NAA60: variants seen among roughly 807,000 people sequenced by gnomAD.
NAA60 encodes N-alpha-acetyltransferase 60.
NAA60 carries 8 observed loss-of-function variants against 26.1 expected under a neutral mutation model. The ratio of observed to expected loss-of-function variants is 0.31; its 90% CI spans 0.18 to 0.55. NAA60 has a LOEUF of 0.55. NAA60 is among the 20% of genes least tolerant of loss of function. The pLI, the probability that NAA60 is intolerant of heterozygous loss-of-function variation, is 0.93. For synonymous variants in NAA60, 131 were observed against 122.5 expected, an observed-to-expected ratio of 1.07 and a Z score of -0.46; for missense variants, 290 against 311.3, an observed-to-expected ratio of 0.93 and a Z score of 0.51.
chr16:3,470,681 C>T (rs765072323), intron 2 of NAA60, among the ~76,000 whole-genome samples: 1 of 152,146 alleles, frequency 6.6e-6, no homozygotes, highest in Non-Finnish European at 1.5e-5. Context: ...TGGGGGGGGC[C>T]GCTGGCCCTG....
intron 2 of NAA60, chr16:3,458,269 A>T (rs557188650): frequency 1.3e-4 from 112 of 854,438 alleles, no homozygotes; most frequent in Non-Finnish European, 1.5e-4. Flanking sequence ...CGCCGGGGTC[A>T]GGGGGGCCAG....
At chr16:3,474,110 T>TG (rs1490330743) in intron 2 of NAA60, among the ~76,000 whole-genome samples, 6 of 150,550 alleles carry the variant, frequency 4.0e-5, no homozygotes, top group African/African-American at 1.2e-4. Context: ...AAGGGCGGGG[T>TG]GGGGGGTGTG....
Position 3,486,628 on chromosome 16 carries a change from A to G in NAA60, c.*1368A>G, listed in dbSNP as rs980116063. On this transcript the variant is annotated 3_prime_UTR_variant, in exon 8 of 8. Coordinates refer to ENST00000407558, the MANE Select transcript of NAA60 (RefSeq NM_001083601.3). ...CTGGCAGGAGGGCCGCGCCATGCTG[A>G]CTGCTTGAACCTCTGCTGACCTGAC... is the stretch of plus-strand genomic sequence containing the variant. The G allele has an allele frequency of 6.6e-6, 1 of 152,196 alleles. No homozygotes were observed. Among genetic ancestry groups the G allele is most frequent in the African/African-American group, 2.4e-5 (1 of 41,402 alleles). The allele number at this position is 152,196 out of a possible 1,614,324, so 9.4% of individuals were successfully genotyped here. A position where few individuals can be genotyped will look rare whatever the true frequency, so the allele number is the denominator to read the frequency against.
intron 2 of NAA60, among the ~76,000 whole-genome samples, chr16:3,466,584 G>A (rs1443638712): frequency 6.6e-6 from 1 of 152,216 alleles, no homozygotes; most frequent in Non-Finnish European, 1.5e-5. Context: ...GGAGTGTGGA[G>A]TTCATGAGTG....
chr16:3,477,460 C>G (rs2036550415), intron 3 of NAA60, among the ~76,000 whole-genome samples: 1 of 152,250 alleles, frequency 6.6e-6, no homozygotes, highest in Non-Finnish European at 1.5e-5. Flanking sequence ...GAAGCGGGAA[C>G]TGTCACAGTC....
At chr16:3,482,466 G>C (rs372382967) in intron 4 of NAA60, 36 bp from the exon 5 acceptor site, 1 of 1,524,850 alleles carries the variant, frequency 6.6e-7, no homozygotes, top group East Asian at 2.4e-5. Context: ...TGCACCAGAC[G>C]TGTGAGCCTG....
chr16:3,460,315 A>C (rs1158932241), intron 2 of NAA60, among the ~76,000 whole-genome samples: 1 of 151,330 alleles, frequency 6.6e-6, no homozygotes, highest in Non-Finnish European at 1.5e-5. Flanking sequence ...TCTTTTTGGA[A>C]GGAATCCACG....
intron 2 of NAA60, among the ~76,000 whole-genome samples, chr16:3,452,082 G>A (rs530010946): frequency 6.0e-5 from 9 of 150,944 alleles, no homozygotes; most frequent in African/African-American, 1.2e-4. Context: ...GTATGGTGGC[G>A]CATGCCTGTA....
intron 1 of NAA60, 185 bp downstream of exon 1, chr16:3,444,022 G>C: frequency 8.4e-7 from 1 of 1,189,798 alleles, no homozygotes; most frequent in South Asian, 2.4e-5. Flanking sequence ...CATCGGTGTA[G>C]GCCAGGTTGC....
At chr16:3,448,417 A>G in intron 1 of NAA60, 54 bp from the exon 2 acceptor site, 1 of 1,432,676 alleles carries the variant, frequency 7.0e-7, no homozygotes, top group South Asian at 1.2e-5. Context: ...TATGAGTTGT[A>G]GAGATGGGAT....
intron 4 of NAA60, 53 bp from the exon 5 acceptor site, chr16:3,482,449 T>G: frequency 2.1e-6 from 3 of 1,429,036 alleles, no homozygotes; most frequent in Non-Finnish European, 2.9e-6. Flanking sequence ...GGCTGTGCAG[T>G]GAGCCGTGCA....
intron 4 of NAA60, among the ~76,000 whole-genome samples, chr16:3,479,924 G>A (rs2036721885): frequency 1.3e-5 from 2 of 152,150 alleles, no homozygotes; most frequent in South Asian, 2.1e-4. Flanking sequence ...TTGTGTTGGC[G>A]GCAGTGTCAT....
At position 3,485,451 on chromosome 16, in the gene NAA60, C is replaced by G; in HGVS notation, c.*207-16C>G. The G allele has an allele frequency of 2.2e-6, 1 of 458,012 alleles. No homozygotes were observed. Among genetic ancestry groups the G allele is most frequent in the South Asian group, 1.5e-5 (1 of 64,572 alleles). 28.4% of individuals were successfully genotyped at this position (458,012 alleles called of 1,614,324 possible). The stretch of plus-strand genomic sequence containing the variant: ...CGCCGGGCCTTCACCCTGCCCTGCT[C>G]TTCTCTTTCCCACAGGCTCTTCAGC... On this transcript the variant is annotated splice_polypyrimidine_tract_variant and intron_variant, in intron 7 of 7. Transcript: ENST00000407558.
At chr16:3,477,006 A>C (rs1296447867) in intron 3 of NAA60, among the ~76,000 whole-genome samples, 1 of 152,034 alleles carries the variant, frequency 6.6e-6, no homozygotes, top group Non-Finnish European at 1.5e-5. Context: ...GCGCCATTGC[A>C]CTCCAGCCTG....
chr16:3,463,510 C>T, intron 2 of NAA60, among the ~76,000 whole-genome samples: 1 of 147,610 alleles, frequency 6.8e-6, no homozygotes, highest in Non-Finnish European at 1.5e-5. Context: ...CAAGATCGTG[C>T]CACTGCACTC....
chr16:3,485,429 C>T (rs751714001), intron 7 of NAA60, 38 bp from the exon 8 acceptor site: 82 of 459,662 alleles, frequency 1.8e-4, no homozygotes, highest in Middle Eastern at 3.2e-4. Context: ...GTGTCTCCGC[C>T]GGGCCTTCAC....
intron 2 of NAA60, among the ~76,000 whole-genome samples, chr16:3,453,340 T>C (rs971211519): frequency 6.6e-6 from 1 of 151,822 alleles, no homozygotes; most frequent in Non-Finnish European, 1.5e-5. Flanking sequence ...GTAGGCTGCA[T>C]TGAGCCAAGA....
At chr16:3,461,226 A>G (rs546984543) in intron 2 of NAA60, among the ~76,000 whole-genome samples, 5 of 149,418 alleles carry the variant, frequency 3.3e-5, no homozygotes, top group African/African-American at 1.0e-4. Flanking sequence ...ACACTAAGGC[A>G]TTTGCGTAGT....
chr16:3,486,041 C>A lies in NAA60; in HGVS notation c.*781C>A. On this transcript the variant is annotated 3_prime_UTR_variant, in exon 8 of 8. Transcript: ENST00000407558. ...GCATCGCCGAGACTCCTTGGGTCCT[C>A]CCCGCCCTCCCTCATGCTGCCACAA... is the stretch of plus-strand genomic sequence containing the variant. 4.4e-6 allele frequency: 1 copy of A among 226,298 alleles called. No individual in the cohort carries two copies. The highest frequency in any genetic ancestry group is 5.2e-5 in the Admixed American group (1 of 19,298). The allele number at this position is 226,298 out of a possible 1,614,324, so 14.0% of individuals were successfully genotyped here.
Sources: allele counts gnomAD v4.1 joint callset (sites outside exome capture counted in the v4.1 genomes callset), GRCh38; gene constraint gnomAD v4.1.1; transcripts MANE v1.5; gene names NCBI Gene and HGNC (gene_info 2026-07-23, HGNC 2026-07-21).